Variants in NMBR observed in about 807,000 individuals in gnomAD.
NMBR encodes the protein neuromedin B receptor, also known as neuromedin-B receptor.
In NMBR, 16 loss-of-function variants were observed where a neutral mutation model predicts 20.5. That is an observed-to-expected ratio of 0.78 (90% CI 0.53 to 1.19). NMBR has a LOEUF of 1.19. Ranked by LOEUF, NMBR falls within the 50% of genes most tolerant of loss-of-function variation. NMBR has a pLI of 0.00. For missense variants in NMBR, 582 were observed against 499.1 expected (o/e 1.17, Z -1.58); for synonymous variants, 212 against 196.6 (o/e 1.08, Z -0.65).
At chr6:142,101,106 A>C (rs1011794373) in intron 1 of NMBR, among the ~76,000 whole-genome samples, 1 of 152,212 alleles carries the variant, frequency 6.6e-6, no homozygotes, top group African/African-American at 2.4e-5. Context: ...AAAGTGATAT[A>C]CAGAAAACAG....
chr6:142,083,270 G>A (rs925002277), intron 2 of NMBR, among the ~76,000 whole-genome samples: 3 of 152,016 alleles, frequency 2.0e-5, no homozygotes, highest in African/African-American at 4.8e-5. Context: ...CTGTTTCTAT[G>A]GTTATATAAA....
chr6:142,078,837 C>T lies in NMBR; in HGVS notation c.489G>A (p.Lys163=), dbSNP rs199557386. The stretch of plus-strand genomic sequence containing the variant: ...CGGAGACCACCCAGATACCCATGGC[C>T]TTCACACAGGTCCGCAGCAATGCCC... ...TSGALLRTCV[K]AMGIWVVSVL... Residue 163 remains lysine (K), a synonymous_variant, in exon 3 of 4, where the codon AAG becomes AAA. Transcript: ENST00000258042. 100 of 1,613,912 alleles carry T rather than the reference C, an allele frequency of 6.2e-5. 1 individual carries two copies. In the East Asian group the frequency reaches 2.1e-3, roughly 33 times the overall value.
chr6:142,101,977 G>C (rs577739375), intron 1 of NMBR, among the ~76,000 whole-genome samples: 2 of 152,204 alleles, frequency 1.3e-5, no homozygotes, highest in South Asian at 4.2e-4. Context: ...TAGCACACCA[G>C]GGAGACTACT....
At chr6:142,103,076 T>C (rs899486174) in intron 1 of NMBR, among the ~76,000 whole-genome samples, 1 of 151,988 alleles carries the variant, frequency 6.6e-6, no homozygotes, top group Non-Finnish European at 1.5e-5. Flanking sequence ...CCTATGTGAG[T>C]TGTGAGATAA....
At chr6:142,124,331 C>T (rs554695906) in intron 1 of NMBR, among the ~76,000 whole-genome samples, 8 of 151,714 alleles carry the variant, frequency 5.3e-5, no homozygotes, top group African/African-American at 1.9e-4. Flanking sequence ...CCAAGCTTGC[C>T]AGAATGAGTC....
Position 142,139,179 on chromosome 6 carries a change from T to G in NMBR, c.-664+7865A>C, listed in dbSNP as rs536007749. On this transcript the variant is annotated intron_variant, in intron 1 of 3. Coordinates refer to ENST00000258042, the MANE Select transcript of NMBR (RefSeq NM_002511.4). ...CAAAAGGACCTTCTTCTGGTTTGCC[T>G]CTCAGGATTCTTCCCCAGGGAAGAT... Among the ~76,000 whole-genome samples, 7 of 152,294 alleles carry G rather than the reference T, an allele frequency of 4.6e-5. No individual in the cohort carries two copies. In the East Asian group the frequency reaches 1.2e-3, roughly 25 times the overall value.
rs147300407 is a variant in NMBR at position 142,088,334 on chromosome 6, A to C, written c.325T>G (p.Trp109Gly). ...TTGCAGCCCACCTTGCCAAACATCC[A>C]CTCGTCGAAGAAGTAGCGCGAGGCG... The part of the protein sequence containing the change: ...VDASRYFFDE[W>G]MFGKVGCKLI... Residue 109 changes from tryptophan (W) to glycine (G), a missense_variant, in exon 2 of 4, where the codon TGG (tryptophan) becomes GGG (glycine). By Grantham distance (184) the Trp-to-Gly change is radical. Transcript: ENST00000258042. 2 of 1,614,112 alleles carry C rather than the reference A, an allele frequency of 1.2e-6. No individual in the cohort carries two copies. Among genetic ancestry groups the C allele is most frequent in the Non-Finnish European group, 1.7e-6 (2 of 1,180,018 alleles).
chr6:142,134,446 G>C (rs1392197945), intron 1 of NMBR: 2 of 455,266 alleles, frequency 4.4e-6, no homozygotes, highest in Non-Finnish European at 7.7e-6. Flanking sequence ...ATTAGACTCT[G>C]TTGAGAGTTA....
intron 1 of NMBR, among the ~76,000 whole-genome samples, chr6:142,094,653 T>C (rs1777408039): frequency 6.6e-6 from 1 of 152,172 alleles, no homozygotes; most frequent in South Asian, 2.1e-4. Flanking sequence ...TGGTTCCATA[T>C]GAACTTTAAA....
chr6:142,111,632 T>G (rs1777765114), intron 1 of NMBR, among the ~76,000 whole-genome samples: 1 of 152,234 alleles, frequency 6.6e-6, no homozygotes, highest in Non-Finnish European at 1.5e-5. Context: ...AATCATTTTA[T>G]GCAAATTGAA....
rs138528571 is a variant in NMBR at position 142,078,190 on chromosome 6, T to C, written c.771+365A>G. Among the ~76,000 whole-genome samples, 753 of 152,318 alleles carry C rather than the reference T, an allele frequency of 4.9e-3. 6 individuals are homozygous for C. Among genetic ancestry groups the C allele is most frequent in the African/African-American group, 0.017 (696 of 41,564 alleles). ...AGACTCCCTGCCATCCTTAGTGGGTTAATGGGAGAAGAGACAATAATCAAA... is the reference window on the plus strand; with the variant it reads ...AGACTCCCTGCCATCCTTAGTGGGTCAATGGGAGAAGAGACAATAATCAAA... On this transcript the variant is annotated intron_variant, in intron 3 of 3. Transcript: ENST00000258042.
Position 142,124,742 on chromosome 6 carries a change from A to T in NMBR, c.-664+22302T>A, listed in dbSNP as rs1778001895. On this transcript the variant is annotated intron_variant, in intron 1 of 3. Transcript: ENST00000258042. ...ATATGAACTCATTGAAAAGAAGGAA[A>T]ATAAGACCTTCAATTTAACCATTAG... is the stretch of plus-strand genomic sequence containing the variant. Among the ~76,000 whole-genome samples, 5 of 151,926 alleles carry T rather than the reference A, an allele frequency of 3.3e-5. No individual in the cohort carries two copies. In the South Asian group the frequency reaches 1.0e-3, roughly 31 times the overall value.
chr6:142,132,590 T>C (rs186760081), intron 1 of NMBR, among the ~76,000 whole-genome samples: 1 of 152,328 alleles, frequency 6.6e-6, no homozygotes, highest in African/African-American at 2.4e-5. Context: ...AACTATTATA[T>C]CCTGTGTTAA....
chr6:142,135,504 T>G (rs1358711147), intron 1 of NMBR, among the ~76,000 whole-genome samples: 1 of 152,134 alleles, frequency 6.6e-6, no homozygotes, highest in African/African-American at 2.4e-5. Flanking sequence ...TTTTATTTAT[T>G]ATTATTATAC....
At chr6:142,108,292 A>C (rs1347340979) in intron 1 of NMBR, among the ~76,000 whole-genome samples, 1 of 152,212 alleles carries the variant, frequency 6.6e-6, no homozygotes, top group East Asian at 1.9e-4. Context: ...CAAAGTAAAA[A>C]TATTCACAGG....
intron 1 of NMBR, among the ~76,000 whole-genome samples, chr6:142,145,479 T>C (rs1480478039): frequency 6.6e-6 from 1 of 152,232 alleles, no homozygotes; most frequent in African/African-American, 2.4e-5. Context: ...GTCTTATTTT[T>C]CTCATCTGTA....
intron 1 of NMBR, among the ~76,000 whole-genome samples, chr6:142,131,372 TTTCTCAAATCTAGG>T (rs1778139379): frequency 6.6e-6 from 1 of 152,166 alleles, no homozygotes; most frequent in Non-Finnish European, 1.5e-5. Flanking sequence ...GTAGAAGATG[TTTCTCAAATCTAGG>T]TTCATTTTGA....
Position 142,088,705 on chromosome 6 carries a change from G to A in NMBR, c.-47C>T, listed in dbSNP as rs1353451936. The A allele has an allele frequency of 3.2e-6, 5 of 1,538,896 alleles. No individual in the cohort carries two copies. The highest frequency in any genetic ancestry group is 4.4e-6 in the Non-Finnish European group (5 of 1,138,902). On this transcript the variant is annotated 5_prime_UTR_variant, in exon 2 of 4. Transcript: ENST00000258042. ...CGCTGGAGTTTTCACGCGCTCCGGT[G>A]CCCTGAGGACTGAACGCCCACGATT... is the stretch of plus-strand genomic sequence containing the variant.
chr6:142,089,680 C>A (rs187343113), intron 1 of NMBR, among the ~76,000 whole-genome samples: 2 of 152,188 alleles, frequency 1.3e-5, no homozygotes, highest in African/African-American at 4.8e-5. Flanking sequence ...CACTCGACAC[C>A]ATATCTGTGA....
Sources: gnomAD v4.1 joint callset for allele counts (sites outside exome capture counted in the v4.1 genomes callset) on GRCh38, gnomAD v4.1.1 for gene constraint, MANE v1.5 for transcripts, NCBI Gene and HGNC (gene_info 2026-07-23, HGNC 2026-07-21) for gene names.